TMIGD3: variants seen among roughly 807,000 people sequenced by gnomAD.
TMIGD3 encodes the protein AD026 protein (AD026).
TMIGD3 carries 21 observed loss-of-function variants against 28.1 expected under a neutral mutation model. The observed-to-expected ratio is 0.75, with a 90% CI of 0.53 to 1.08. TMIGD3 has a LOEUF of 1.08. Among genes scored for constraint, TMIGD3 ranks in the 50% least tolerant of loss-of-function variants. The pLI, the probability that TMIGD3 is intolerant of heterozygous loss-of-function variation, is 0.00. For missense variants in TMIGD3, 416 were observed against 435.6 expected (o/e 0.96, Z 0.40); for synonymous variants, 151 against 162.1 (o/e 0.93, Z 0.52).
chr1:111,557,790 T>G (rs1245102337), intron 1 of TMIGD3, among the ~76,000 whole-genome samples: 1 of 152,094 alleles, frequency 6.6e-6, no homozygotes, highest in Non-Finnish European at 1.5e-5. Context: ...AATAGCTAAT[T>G]TATGGGATAA....
At chr1:111,545,906 A>G (rs1302983023) in intron 1 of TMIGD3, among the ~76,000 whole-genome samples, 1 of 151,878 alleles carries the variant, frequency 6.6e-6, no homozygotes, top group Non-Finnish European at 1.5e-5. Context: ...AGTCTTGGAA[A>G]CCTGTTGAAA....
chr1:111,539,008 C>G (rs1656732424), intron 1 of TMIGD3, among the ~76,000 whole-genome samples: 1 of 152,266 alleles, frequency 6.6e-6, no homozygotes, highest in Non-Finnish European at 1.5e-5. Context: ...ATCTCTCCCA[C>G]TTGCCAATGG....
chr1:111,483,792 A>T, intron 5 of TMIGD3, 35 bp from the exon 6 acceptor site: 1 of 1,554,554 alleles, frequency 6.4e-7, no homozygotes, highest in Non-Finnish European at 8.9e-7. Context: ...AATGGAGTTG[A>T]GATCTATTGC....
At chr1:111,557,423 G>T (rs1402237286) in intron 1 of TMIGD3, among the ~76,000 whole-genome samples, 1 of 151,804 alleles carries the variant, frequency 6.6e-6, no homozygotes, top group Non-Finnish European at 1.5e-5. Flanking sequence ...GGTGGGACCC[G>T]CCTGTAGTCC....
At chr1:111,486,699 T>TCCTA in intron 3 of TMIGD3, 47 bp from the exon 4 acceptor site, 1 of 1,491,338 alleles carries the variant, frequency 6.7e-7, no homozygotes, top group Non-Finnish European at 9.4e-7. Context: ...CATAGCCAGG[T>TCCTA]CCTACCTCTG....
intron 1 of TMIGD3, among the ~76,000 whole-genome samples, chr1:111,529,625 C>T (rs1437010570): frequency 4.0e-5 from 6 of 150,180 alleles, no homozygotes; most frequent in African/African-American, 1.2e-4. Context: ...CTTGCACCGC[C>T]CTTAATCCAT....
intron 1 of TMIGD3, among the ~76,000 whole-genome samples, chr1:111,513,690 A>G (rs1655766061): frequency 6.6e-6 from 1 of 151,170 alleles, no homozygotes; most frequent in Non-Finnish European, 1.5e-5. Flanking sequence ...GGCCAACAGA[A>G]CTCTAGGTCA....
intron 2 of TMIGD3, chr1:111,489,622 C>T (rs749926004): frequency 1.8e-6 from 2 of 1,138,648 alleles, no homozygotes; most frequent in South Asian, 3.5e-5. Flanking sequence ...ATGGAGGCCT[C>T]CTACCATTGC....
intron 1 of TMIGD3, among the ~76,000 whole-genome samples, chr1:111,511,698 C>CACACACACACACACACACACACAA (rs1204368340): frequency 6.6e-6 from 1 of 151,302 alleles, no homozygotes; most frequent in African/African-American, 2.4e-5. Context: ...CACACACACA[C>CACACACACACACACACACACACAA]GTCCACATGC....
At chr1:111,538,929 C>T (rs1047005316) in intron 1 of TMIGD3, among the ~76,000 whole-genome samples, 3 of 152,160 alleles carry the variant, frequency 2.0e-5, no homozygotes, top group Non-Finnish European at 2.9e-5. Flanking sequence ...GTGATGCTTA[C>T]ATTCTTCTGC....
intron 1 of TMIGD3, among the ~76,000 whole-genome samples, chr1:111,526,300 T>A (rs1656259543): frequency 6.6e-6 from 1 of 152,172 alleles, no homozygotes; most frequent in Non-Finnish European, 1.5e-5. Flanking sequence ...TGGGAGGTAA[T>A]TGAATCATGG....
At chr1:111,521,046 C>G (rs1656043298) in intron 1 of TMIGD3, among the ~76,000 whole-genome samples, 1 of 139,412 alleles carries the variant, frequency 7.2e-6, no homozygotes, top group Admixed American at 7.5e-5. Flanking sequence ...TTGATCTGCT[C>G]TCTGTTATTA....
intron 4 of TMIGD3, among the ~76,000 whole-genome samples, 189 bp downstream of exon 4, chr1:111,486,397 A>G (rs1188278784): frequency 7.1e-6 from 1 of 141,556 alleles, no homozygotes; most frequent in African/African-American, 2.9e-5. Flanking sequence ...AGAGTCCTAA[A>G]CTGTATTTTT....
chr1:111,489,508 C>T, intron 2 of TMIGD3: 1 of 931,652 alleles, frequency 1.1e-6, no homozygotes, highest in Non-Finnish European at 1.3e-6. Flanking sequence ...TTGTTTTAGC[C>T]TCCCAGACTG....
At chr1:111,562,315 C>T (rs1307686584) in intron 1 of TMIGD3, among the ~76,000 whole-genome samples, 1 of 152,114 alleles carries the variant, frequency 6.6e-6, no homozygotes. Flanking sequence ...GTTTCCTCAA[C>T]CATAATAGGA....
chr1:111,523,445 T>A lies in TMIGD3; in HGVS notation c.108-32683A>T, dbSNP rs147986996. Among the ~76,000 whole-genome samples, 35 of 152,282 alleles carry A rather than the reference T, an allele frequency of 2.3e-4. No individual in the cohort carries two copies. The East Asian group carries it at 6.2e-3, about 27-fold the overall frequency. On this transcript the variant is annotated intron_variant, in intron 1 of 5. Coordinates refer to the TMIGD3 transcript ENST00000369717. ...TGACAGCTATTGGTCTATGATTTTT[T>A]TTTCCTGTAATGTCGTCTGATTTCA... is the stretch of plus-strand genomic sequence containing the variant.
chr1:111,549,318 T>C (rs1298507186), intron 1 of TMIGD3, among the ~76,000 whole-genome samples: 1 of 151,778 alleles, frequency 6.6e-6, no homozygotes, highest in Non-Finnish European at 1.5e-5. Context: ...GCTTTTTTTT[T>C]TTTTTTTCTT....
In TMIGD3 at chr1:111,488,705, G is replaced by T. The variant is rs140774488; in HGVS notation, c.777C>A (p.Thr259=). 1.3e-4 allele frequency: 217 copies of T among 1,613,900 alleles called. No individual in the cohort carries two copies. Among genetic ancestry groups the T allele is most frequent in the Non-Finnish European group, 1.8e-4 (214 of 1,179,906 alleles). The change falls in exon 3 of 6, where the codon ACC becomes ACA. Residue 259 remains threonine, a synonymous_variant. Coordinates refer to ENST00000369716, the MANE Select transcript of TMIGD3 (RefSeq NM_020683.7). ...TCCCAGACCAAAAGTCATTGGCCAG[G>T]GTTCCTTTGTCGTCAGTTACAATCA... ...TELIVTDDKG[T]LANDFWSGKD... is the part of the protein sequence containing the mutation.
intron 1 of TMIGD3, among the ~76,000 whole-genome samples, chr1:111,524,696 T>C (rs939317798): frequency 1.3e-5 from 2 of 152,198 alleles, no homozygotes; most frequent in Non-Finnish European, 2.9e-5. Context: ...CTCGGCTTGC[T>C]GCAACCTCCG....
Sources: allele counts gnomAD v4.1 joint callset (sites outside exome capture counted in the v4.1 genomes callset), GRCh38; gene constraint gnomAD v4.1.1; transcripts MANE v1.5; gene names NCBI Gene and HGNC (gene_info 2026-07-23, HGNC 2026-07-21).